The following PCDHGB3 variants were observed in gnomAD, a reference collection of about 807,000 sequenced individuals.
PCDHGB3 encodes protocadherin gamma subfamily B, 3.
In PCDHGB3, 40 loss-of-function variants were observed where a neutral mutation model predicts 59.2. The observed-to-expected ratio is 0.68, with a 90% CI of 0.52 to 0.88. The LOEUF (loss-of-function observed/expected upper bound fraction) is 0.88, where lower values mean the gene tolerates loss of function less well. Among genes scored for constraint, PCDHGB3 ranks in the 40% least tolerant of loss-of-function variants. PCDHGB3 has a pLI of 0.00. For missense variants in PCDHGB3, 1,309 were observed against 1,187.9 expected, an observed-to-expected ratio of 1.10 and a Z score of -1.50; for synonymous variants, 581 against 503.6, an observed-to-expected ratio of 1.15 and a Z score of -2.06.
rs778571401 is a variant in PCDHGB3, at chr5:141,371,690, C to T, written c.1296C>T (p.Leu432=). The change falls in exon 1 of 4, where the codon CTC becomes CTT. Residue 432 remains leucine, a synonymous_variant. Coordinates refer to ENST00000576222, the MANE Select transcript of PCDHGB3 (RefSeq NM_018924.5). ...ITATDKGNPP[L]SSSKTITLHI... ...CTACCGACAAAGGCAATCCACCGCTCTCCTCCAGCAAGACCATCACTCTGC... is the reference window on the plus strand; with the variant it reads ...CTACCGACAAAGGCAATCCACCGCTTTCCTCCAGCAAGACCATCACTCTGC... 14 of 1,614,078 alleles carry T rather than the reference C, an allele frequency of 8.7e-6. No homozygotes were observed. The Admixed American group carries it at 2.3e-4, about 27-fold the overall frequency.
Position 141,432,736 on chromosome 5 carries a change from G to T in PCDHGB3, c.2415+59927G>T. On this transcript the variant is annotated intron_variant, in intron 1 of 3. Transcript: ENST00000576222. The surrounding 1 kb of genome is among the most constrained non-coding windows in gnomAD (Gnocchi z 6.0). ...AGCCCCCTCTCTCCGCCACTGTCACGCTCACCGTGGCCGTGGCCGACAGCA... is the reference window on the plus strand; with the variant it reads ...AGCCCCCTCTCTCCGCCACTGTCACTCTCACCGTGGCCGTGGCCGACAGCA... The T allele has an allele frequency of 6.2e-7, 1 of 1,614,058 alleles. No individual in the cohort carries two copies. The highest frequency in any genetic ancestry group is 8.5e-7 in the Non-Finnish European group (1 of 1,179,980).
At chr5:141,430,986 C>G (rs549700048) in intron 1 of PCDHGB3, 1 of 1,613,762 alleles carries the variant, frequency 6.2e-7, no homozygotes, top group African/African-American at 1.3e-5. Context: ...CAGCTTTTCG[C>G]CCTGAATCCG....
At chr5:141,412,815 A>G (rs2095578958) in intron 1 of PCDHGB3, among the ~76,000 whole-genome samples, 1 of 152,328 alleles carries the variant, frequency 6.6e-6, no homozygotes, top group Non-Finnish European at 1.5e-5. Flanking sequence ...AGAAACCTAC[A>G]TATAGTAAAT....
intron 1 of PCDHGB3, among the ~76,000 whole-genome samples, chr5:141,443,780 A>G (rs1337883957): frequency 6.6e-6 from 1 of 152,202 alleles, no homozygotes; most frequent in Non-Finnish European, 1.5e-5. Flanking sequence ...TACCAAAAAG[A>G]CAAAAAAAAT....
At chr5:141,443,113 T>C (rs2098364390) in intron 1 of PCDHGB3, among the ~76,000 whole-genome samples, 1 of 152,040 alleles carries the variant, frequency 6.6e-6, no homozygotes, top group African/African-American at 2.4e-5. Flanking sequence ...ACCTTGCTTT[T>C]CAAACCAGAT....
chr5:141,421,420 G>C, intron 1 of PCDHGB3: 1 of 1,614,084 alleles, frequency 6.2e-7, no homozygotes, highest in Non-Finnish European at 8.5e-7. Context: ...GAAGCGCGGA[G>C]TCCGCATCGT....
At chr5:141,420,029 G>T (rs1382842280) in intron 1 of PCDHGB3, 2 of 1,614,082 alleles carry the variant, frequency 1.2e-6, no homozygotes, top group Non-Finnish European at 1.7e-6. Flanking sequence ...CCCTACTGCA[G>T]GAGACTGCTT....
chr5:141,394,329 T>C (rs769172287), intron 1 of PCDHGB3: 6 of 1,613,980 alleles, frequency 3.7e-6, no homozygotes, highest in Non-Finnish European at 5.1e-6. Context: ...CTCGTATATC[T>C]CCATCAACTC....
At chr5:141,466,279 T>A (rs1386803685) in intron 1 of PCDHGB3, among the ~76,000 whole-genome samples, 1 of 152,144 alleles carries the variant, frequency 6.6e-6, no homozygotes, top group Non-Finnish European at 1.5e-5. Flanking sequence ...CAAGCAATCT[T>A]CCCACCTCAG....
chr5:141,479,676 G>A (rs2099503035), intron 1 of PCDHGB3: 1 of 152,242 alleles, frequency 6.6e-6, no homozygotes, highest in African/African-American at 2.4e-5. Context: ...CAAAAGGAGA[G>A]TCTTTTTGGT....
At position 141,487,063 on chromosome 5, in the gene PCDHGB3, G is replaced by T; in HGVS notation, c.2416-7744G>T. The T allele has an allele frequency of 6.2e-7, 1 of 1,614,086 alleles. No homozygotes were observed. ...CTCGATATGCTGGGGAGGTGCGGACGGCTGTTCCTATCCCAGCTGACCTCC... is the reference window on the plus strand; with the variant it reads ...CTCGATATGCTGGGGAGGTGCGGACTGCTGTTCCTATCCCAGCTGACCTCC... On this transcript the variant is annotated intron_variant, in intron 1 of 3. Coordinates refer to ENST00000576222, the MANE Select transcript of PCDHGB3 (RefSeq NM_018924.5). The surrounding 1 kb of genome is among the most constrained non-coding windows in gnomAD (Gnocchi z 5.0).
chr5:141,494,914 A>G (rs906245656), intron 2 of PCDHGB3, 49 bp downstream of exon 2: 5 of 1,613,708 alleles, frequency 3.1e-6, no homozygotes, highest in Admixed American at 1.7e-5. Context: ...GCATTTTCTC[A>G]GGGATGACGT....
intron 2 of PCDHGB3, among the ~76,000 whole-genome samples, chr5:141,499,576 G>C (rs2099792836): frequency 1.3e-5 from 2 of 151,790 alleles, no homozygotes; most frequent in Non-Finnish European, 2.9e-5. Context: ...TTCAACTAAT[G>C]CCTTATCTTG....
intron 1 of PCDHGB3, chr5:141,400,310 G>C: frequency 6.2e-7 from 1 of 1,614,084 alleles, no homozygotes; most frequent in African/African-American, 1.3e-5. Context: ...CCTGGTCTCT[G>C]TGTCAAGTCT....
chr5:141,371,258 G>A lies in PCDHGB3; in HGVS notation c.864G>A (p.Val288=). The change falls in exon 1 of 4, where the codon GTG becomes GTA. Residue 288 remains valine (V), a synonymous_variant. Transcript: ENST00000576222. Reference sequence around the variant, plus strand: ...CCTTCATCAATATTGGCAAGGAAGTGAGACAACTGTTCAAGCTGGACAGTA... The same window carrying A: ...CCTTCATCAATATTGGCAAGGAAGTAAGACAACTGTTCAAGCTGGACAGTA... The part of the protein sequence containing the change: ...IYAFINIGKE[V]RQLFKLDSKT... 1 of 1,614,052 alleles carries A rather than the reference G, an allele frequency of 6.2e-7. No individual in the cohort carries two copies. The highest frequency in any genetic ancestry group is 1.1e-5 in the South Asian group (1 of 91,090).
intron 1 of PCDHGB3, chr5:141,392,622 A>C: frequency 3.6e-6 from 2 of 558,650 alleles, no homozygotes; most frequent in Non-Finnish European, 6.1e-6. Flanking sequence ...AACCGAAAAC[A>C]CTCAGATCTC....
chr5:141,481,167 A>C (rs77180710), intron 1 of PCDHGB3, among the ~76,000 whole-genome samples: 2,577 of 152,328 alleles, frequency 0.017, 78 homozygotes, highest in African/African-American at 0.059. Flanking sequence ...GCAGAACCAG[A>C]ATCCAGCTTT....
chr5:141,502,037 C>T (rs2154593041), intron 2 of PCDHGB3, among the ~76,000 whole-genome samples: 1 of 152,302 alleles, frequency 6.6e-6, no homozygotes, highest in East Asian at 1.9e-4. Context: ...CGCCGCTTGC[C>T]TGCTCTCCCT....
At chr5:141,445,751 G>A (rs1211416281) in intron 1 of PCDHGB3, among the ~76,000 whole-genome samples, 1 of 152,102 alleles carries the variant, frequency 6.6e-6, no homozygotes, top group East Asian at 1.9e-4. Context: ...AAAAATAAAA[G>A]GTGTGACTCA....
Sources: allele counts gnomAD v4.1 joint callset (sites outside exome capture counted in the v4.1 genomes callset), GRCh38; gene constraint gnomAD v4.1.1; non-coding constraint Gnocchi (gnomAD v3.1); transcripts MANE v1.5; gene names NCBI Gene and HGNC (gene_info 2026-07-23, HGNC 2026-07-21).